Variants in CDC42BPA observed in about 807,000 individuals in gnomAD.
The protein encoded by CDC42BPA is CDC42 binding protein kinase alpha, also known as serine/threonine-protein kinase MRCK alpha.
Under a neutral mutation model 223.5 loss-of-function variants are expected in CDC42BPA, and 80 were observed. That is an observed-to-expected ratio of 0.36 (90% CI 0.30 to 0.43). The LOEUF is 0.43. Among genes scored for constraint, CDC42BPA ranks in the 20% least tolerant of loss-of-function variants. The probability of loss-of-function intolerance (pLI) is 1.00; values close to 1 mark genes in which losing one functional copy is unlikely to be tolerated. For synonymous variants in CDC42BPA, 694 were observed against 718.6 expected (o/e 0.97, Z 0.55); for missense variants, 1,743 against 2,099.9 (o/e 0.83, Z 3.32).
intron 1 of CDC42BPA, among the ~76,000 whole-genome samples, chr1:227,291,583 C>A (rs1045799661): frequency 2.0e-4 from 31 of 151,272 alleles, no homozygotes; most frequent in Middle Eastern, 3.4e-3. Context: ...AAAAAAACAC[C>A]CAAATCTATA....
chr1:227,241,509 C>T (rs1483140626), intron 2 of CDC42BPA, among the ~76,000 whole-genome samples: 2 of 152,140 alleles, frequency 1.3e-5, no homozygotes, highest in Admixed American at 6.5e-5. Flanking sequence ...GTAATAAAAA[C>T]GATTAATACA....
In CDC42BPA at chr1:226,994,578, G is replaced by A. The variant is rs917443283; in HGVS notation, c.5134-179C>T. 1.3e-5 allele frequency among the ~76,000 whole-genome samples: 2 copies of A among 152,142 alleles called. No individual in the cohort carries two copies. Among genetic ancestry groups the A allele is most frequent in the Non-Finnish European group, 2.9e-5 (2 of 68,010 alleles). ...AAGAGGCACGGAACATACAAGCTCC[G>A]TCCTTTCTGTAGGCCTTTACAGATG... On this transcript the variant is annotated intron_variant, in intron 36 of 36. Transcript: ENST00000366766. The surrounding 1 kb of genome is among the most constrained non-coding windows in gnomAD (Gnocchi z 4.0).
At chr1:226,995,499 T>C (rs1392737547) in intron 35 of CDC42BPA, among the ~76,000 whole-genome samples, 1 of 127,034 alleles carries the variant, frequency 7.9e-6, no homozygotes, top group Non-Finnish European at 1.9e-5. Flanking sequence ...GGTTGTACCA[T>C]CCCGAGAGAG....
At chr1:227,196,903 T>A (rs182461252) in intron 4 of CDC42BPA, among the ~76,000 whole-genome samples, 9 of 152,312 alleles carry the variant, frequency 5.9e-5, no homozygotes, top group Non-Finnish European at 1.0e-4. Context: ...TAGTGTTATG[T>A]AAGTGATAAA....
intron 23 of CDC42BPA, among the ~76,000 whole-genome samples, chr1:227,040,915 G>T (rs2148764065): frequency 6.6e-6 from 1 of 152,168 alleles, no homozygotes; most frequent in South Asian, 2.1e-4. Flanking sequence ...ATATTCCTTT[G>T]TTTTCCAAAT....
At chr1:227,078,568 G>A (rs1679968141) in intron 17 of CDC42BPA, among the ~76,000 whole-genome samples, 1 of 152,058 alleles carries the variant, frequency 6.6e-6, no homozygotes, top group Non-Finnish European at 1.5e-5. Context: ...ATGGCGAGAA[G>A]GAAGGTTCCT....
chr1:227,114,852 C>A (rs910670314), intron 12 of CDC42BPA, among the ~76,000 whole-genome samples: 1 of 152,090 alleles, frequency 6.6e-6, no homozygotes, highest in Non-Finnish European at 1.5e-5. Flanking sequence ...GATACTCAAT[C>A]TGTAAAATTA....
chr1:227,101,197 G>A lies in CDC42BPA; in HGVS notation c.2044C>T (p.His682Tyr). The change falls in exon 15 of 37, where the codon CAT becomes TAT. Residue 682 changes from histidine to tyrosine, a missense_variant. By Grantham distance (83) the His-to-Tyr change is moderately conservative. Coordinates refer to ENST00000366766, the MANE Select transcript of CDC42BPA (RefSeq NM_001394014.1). ...SYSPGVCSIE[H>Y]QQEITKLKTD... is the part of the protein sequence containing the mutation. ...TTTAGTTTGGTTATCTCTTGCTGAT[G>A]TTCTATGCTGCATACTCCTGGTGAG... 6.2e-7 allele frequency: 1 copy of A among 1,603,116 alleles called. No homozygotes were observed. The highest frequency in any genetic ancestry group is 8.5e-7 in the Non-Finnish European group (1 of 1,171,672).
Position 227,028,648 on chromosome 1 carries a change from G to A in CDC42BPA, c.4432+9C>T. On this transcript the variant is annotated intron_variant, in intron 30 of 36. Transcript: ENST00000366766. ...AAAGATAAGACAGCCGTAAGAAAGAGAATCTTACAACAAGAGGAAGGATTT... is the reference window on the plus strand; with the variant it reads ...AAAGATAAGACAGCCGTAAGAAAGAAAATCTTACAACAAGAGGAAGGATTT... 6.6e-7 allele frequency: 1 copy of A among 1,507,138 alleles called. No individual in the cohort carries two copies. The highest frequency in any genetic ancestry group is 9.0e-7 in the Non-Finnish European group (1 of 1,111,776). 93.4% of individuals were successfully genotyped at this position (1,507,138 alleles called of 1,614,324 possible). A position where few individuals can be genotyped will look rare whatever the true frequency, so the allele number is the denominator to read the frequency against.
chr1:227,020,624 G>C (rs1253977328), intron 32 of CDC42BPA, among the ~76,000 whole-genome samples: 1 of 152,202 alleles, frequency 6.6e-6, no homozygotes, highest in Non-Finnish European at 1.5e-5. Flanking sequence ...TCTGGATTAG[G>C]CTTTGGCTTA....
chr1:227,308,881 A>G lies in CDC42BPA; in HGVS notation c.178+8124T>C, dbSNP rs144068427. Among the ~76,000 whole-genome samples the G allele has an allele frequency of 2.8e-3, 425 of 152,342 alleles. 1 individual carries two copies. Among genetic ancestry groups the G allele is most frequent in the African/African-American group, 9.7e-3 (403 of 41,588 alleles). ...TGTTTTTGTCTTTGATTAAGCCTAC[A>G]GTGACGTTTAAGCAATCTGAAATAA... On this transcript the variant is annotated intron_variant, in intron 1 of 36. Transcript: ENST00000366766.
intron 1 of CDC42BPA, among the ~76,000 whole-genome samples, chr1:227,297,536 A>G (rs1228659766): frequency 6.6e-6 from 1 of 152,222 alleles, no homozygotes; most frequent in Non-Finnish European, 1.5e-5. Context: ...AAACAACGCA[A>G]GTATCCATCA....
At chr1:227,030,506 G>C in intron 28 of CDC42BPA, 36 bp from the exon 29 acceptor site, 1 of 1,330,528 alleles carries the variant, frequency 7.5e-7, no homozygotes, top group Non-Finnish European at 1.0e-6. Flanking sequence ...TTTTTATTAG[G>C]AAAAAAACCA....
chr1:227,042,138 G>A (rs1268501823), intron 23 of CDC42BPA, among the ~76,000 whole-genome samples: 1 of 152,070 alleles, frequency 6.6e-6, no homozygotes, highest in Non-Finnish European at 1.5e-5. Context: ...TGAATACAAA[G>A]AAGGAAAAAT....
In CDC42BPA at chr1:227,254,115, A is replaced by G; in HGVS notation, c.219T>C (p.His73=). The stretch of plus-strand genomic sequence containing the variant: ...CCTTTAATATTTCAAAGTCTTCTCT[A>G]TGTAATCGCATTTGTTTCACTTTAG... ...FTSKVKQMRL[H]REDFEILKVI... is the part of the protein sequence containing the mutation. Residue 73 remains histidine (H), a synonymous_variant, in exon 2 of 37, where the codon CAT becomes CAC. Coordinates refer to ENST00000366766, the MANE Select transcript of CDC42BPA (RefSeq NM_001394014.1). The G allele has an allele frequency of 6.3e-7, 1 of 1,599,950 alleles. No homozygotes were observed. Among genetic ancestry groups the G allele is most frequent in the Non-Finnish European group, 8.5e-7 (1 of 1,171,782 alleles).
intron 16 of CDC42BPA, among the ~76,000 whole-genome samples, chr1:227,090,112 A>G (rs1233328585): frequency 2.0e-5 from 3 of 152,172 alleles, no homozygotes; most frequent in Admixed American, 6.5e-5. Context: ...TAAAAAATCA[A>G]TTTATATTAC....
At chr1:227,107,768 C>T (rs1246243324) in intron 14 of CDC42BPA, among the ~76,000 whole-genome samples, 4 of 152,074 alleles carry the variant, frequency 2.6e-5, no homozygotes, top group Admixed American at 6.6e-5. Context: ...AATGTCTTTA[C>T]TTGTTATAGG....
intron 5 of CDC42BPA, among the ~76,000 whole-genome samples, chr1:227,175,195 T>C (rs1410854346): frequency 6.6e-6 from 1 of 152,170 alleles, no homozygotes; most frequent in Non-Finnish European, 1.5e-5. Context: ...TTGGAACTTA[T>C]ATAGAATTCA....
chr1:227,180,132 G>A (rs984467033), intron 5 of CDC42BPA, among the ~76,000 whole-genome samples: 1 of 152,178 alleles, frequency 6.6e-6, no homozygotes, highest in African/African-American at 2.4e-5. Flanking sequence ...CTTGAACGCA[G>A]GAGGCAGATG....
Sources: allele counts gnomAD v4.1 joint callset (sites outside exome capture counted in the v4.1 genomes callset), GRCh38; gene constraint gnomAD v4.1.1; non-coding constraint Gnocchi (gnomAD v3.1); transcripts MANE v1.5; gene names NCBI Gene and HGNC (gene_info 2026-07-23, HGNC 2026-07-21).